MAP7D2: variants seen among roughly 807,000 people sequenced by gnomAD.
MAP7D2 encodes MAP7 domain-containing protein 2.
A neutral mutation model predicts 63.5 loss-of-function variants in MAP7D2; 33 were observed. The ratio of observed to expected loss-of-function variants is 0.52; its 90% CI spans 0.39 to 0.70. MAP7D2 has a LOEUF of 0.70. MAP7D2 is among the 30% of genes least tolerant of loss of function. The pLI is 0.00. For synonymous variants in MAP7D2, 224 were observed against 223.7 expected (o/e 1.00, Z -0.01); for missense variants, 626 against 604.0 (o/e 1.04, Z -0.38).
At chrX:20,026,607 G>T (rs1034841883) in intron 8 of MAP7D2, among the ~76,000 whole-genome samples, 2 of 112,226 alleles carry the variant, frequency 1.8e-5, no homozygotes. Flanking sequence ...GGGATGGGGG[G>T]TGTTTTTTGG....
At chrX:20,093,537 G>T (rs2066125937) in intron 1 of MAP7D2, among the ~76,000 whole-genome samples, 1 of 110,853 alleles carries the variant, frequency 9.0e-6, no homozygotes. Flanking sequence ...CGCACCTGTA[G>T]TCGGAGCTAC....
intron 1 of MAP7D2, among the ~76,000 whole-genome samples, chrX:20,081,332 C>A (rs1042289090): frequency 1.8e-5 from 2 of 111,627 alleles, no homozygotes; most frequent in Admixed American, 9.5e-5. Context: ...AAAAGGATCC[C>A]AAAGGCTCAC....
intron 1 of MAP7D2, among the ~76,000 whole-genome samples, chrX:20,099,915 G>C (rs762440156): frequency 1.8e-5 from 2 of 111,928 alleles, no homozygotes; most frequent in South Asian, 7.6e-4. Context: ...ACTATCTTGG[G>C]AAAGACAACA....
chrX:20,054,351 T>C (rs894166602), intron 4 of MAP7D2, among the ~76,000 whole-genome samples: 3 of 112,405 alleles, frequency 2.7e-5, no homozygotes, highest in African/African-American at 9.7e-5. Context: ...TGCTTCAGGC[T>C]CTGATGTGCT....
At chrX:20,072,183 G>C (rs1167052155) in intron 1 of MAP7D2, among the ~76,000 whole-genome samples, 1 of 111,405 alleles carries the variant, frequency 9.0e-6, no homozygotes, top group Non-Finnish European at 1.9e-5. Context: ...TTTTCTGCTA[G>C]AGTTGTGGGA....
At chrX:20,068,425 C>A (rs1487832902) in intron 1 of MAP7D2, among the ~76,000 whole-genome samples, 1 of 112,216 alleles carries the variant, frequency 8.9e-6, no homozygotes, top group Non-Finnish European at 1.9e-5. Context: ...AGTAAAGCTT[C>A]TTCCACACAG....
intron 7 of MAP7D2, among the ~76,000 whole-genome samples, chrX:20,044,043 A>C: frequency 8.9e-6 from 1 of 112,091 alleles, no homozygotes; most frequent in East Asian, 2.8e-4. Flanking sequence ...CACGGGCAAG[A>C]CTGACCCAGA....
At chrX:20,087,188 T>C (rs1156444861) in intron 1 of MAP7D2, among the ~76,000 whole-genome samples, 1 of 112,241 alleles carries the variant, frequency 8.9e-6, no homozygotes, top group Non-Finnish European at 1.9e-5. Context: ...AACAGAAACC[T>C]GTAACACATA....
At chrX:20,039,510 T>C (rs1377679788) in intron 8 of MAP7D2, among the ~76,000 whole-genome samples, 1 of 111,989 alleles carries the variant, frequency 8.9e-6, no homozygotes, top group East Asian at 2.8e-4. Context: ...GAGATGTGTA[T>C]GGGTTCAAGT....
chrX:20,058,306 C>A (rs2065117178), intron 3 of MAP7D2, among the ~76,000 whole-genome samples: 1 of 112,542 alleles, frequency 8.9e-6, no homozygotes, highest in African/African-American at 3.2e-5. Context: ...AATAGTATTT[C>A]ATTATACGGT....
At chrX:20,054,565 T>C (rs890485755) in intron 4 of MAP7D2, among the ~76,000 whole-genome samples, 1 of 110,835 alleles carries the variant, frequency 9.0e-6, no homozygotes, top group African/African-American at 3.3e-5. Context: ...AGTGGGTGAT[T>C]ACTCCACCTC....
chrX:20,062,592 T>G (rs1366837379), intron 3 of MAP7D2, among the ~76,000 whole-genome samples: 2 of 111,758 alleles, frequency 1.8e-5, no homozygotes, highest in Non-Finnish European at 3.8e-5. Context: ...GGTTGGAGAT[T>G]ACCAAACCTC....
chrX:20,082,638 A>AT (rs1036841728), intron 1 of MAP7D2, among the ~76,000 whole-genome samples: 3 of 111,135 alleles, frequency 2.7e-5, no homozygotes, highest in African/African-American at 9.8e-5. Context: ...TTATTTTTGT[A>AT]TTTTTTTTGA....
chrX:20,054,628 C>G (rs1162723240), intron 4 of MAP7D2, among the ~76,000 whole-genome samples: 1 of 110,185 alleles, frequency 9.1e-6, no homozygotes, highest in Non-Finnish European at 1.9e-5. Context: ...GCTCCGTTGC[C>G]CAGGCTGGAG....
At chrX:20,044,339 A>G in intron 7 of MAP7D2, 25 bp downstream of exon 7, 2 of 1,202,115 alleles carry the variant, frequency 1.7e-6, no homozygotes, top group Non-Finnish European at 2.3e-6. Context: ...TAGAGGAGTG[A>G]GTGGGTGGGT....
intron 3 of MAP7D2, among the ~76,000 whole-genome samples, chrX:20,059,677 A>C (rs1569097012): frequency 9.5e-6 from 1 of 105,761 alleles, no homozygotes; most frequent in East Asian, 3.0e-4. Context: ...GGAAGGAAGA[A>C]AGACAGGAAG....
At chrX:20,060,403 GAAAAGAAAAGAAA>G in intron 3 of MAP7D2, among the ~76,000 whole-genome samples, 1 of 77,527 alleles carries the variant, frequency 1.3e-5, no homozygotes. Context: ...AGAAAGAAAA[GAAAAGAAAAGAAA>G]AGAGAGAGAG....
intron 6 of MAP7D2, among the ~76,000 whole-genome samples, chrX:20,048,140 A>C (rs1183529735): frequency 8.9e-6 from 1 of 111,772 alleles, no homozygotes; most frequent in Non-Finnish European, 1.9e-5. Flanking sequence ...CTGGGAACGT[A>C]CATTTTAGGA....
intron 1 of MAP7D2, among the ~76,000 whole-genome samples, chrX:20,097,328 A>G (rs750189167): frequency 6.2e-4 from 69 of 112,187 alleles, no homozygotes; most frequent in Non-Finnish European, 1.2e-3. Flanking sequence ...CCACAGCTCC[A>G]GACAGTCAGA....
Sources: gnomAD v4.1 joint callset for allele counts (sites outside exome capture counted in the v4.1 genomes callset) on GRCh38, gnomAD v4.1.1 for gene constraint, MANE v1.5 for transcripts, NCBI Gene and HGNC (gene_info 2026-07-23, HGNC 2026-07-21) for gene names.